USP47: variants seen among roughly 807,000 people sequenced by gnomAD.
USP47 encodes the protein ubiquitin carboxyl-terminal hydrolase 47.
A neutral mutation model predicts 165.1 loss-of-function variants in USP47; 35 were observed. The observed-to-expected ratio is 0.21, with a 90% CI of 0.16 to 0.28. USP47 has a LOEUF of 0.28. Ranked by LOEUF, USP47 falls within the 10% of genes least tolerant of loss-of-function variation. The pLI is 1.00. For synonymous variants in USP47, 531 were observed against 544.5 expected (o/e 0.98, Z 0.35); for missense variants, 1,277 against 1,607.4 (o/e 0.79, Z 3.52).
intron 3 of USP47, among the ~76,000 whole-genome samples, chr11:11,889,749 A>T (rs1264372254): frequency 6.6e-6 from 1 of 152,146 alleles, no homozygotes; most frequent in African/African-American, 2.4e-5. Context: ...AATAGCCAAG[A>T]CAATCCTAAA....
chr11:11,923,043 T>TATATAA (rs1853963379), intron 11 of USP47, 152 bp downstream of exon 11: 1 of 12,800 alleles, frequency 7.8e-5, no homozygotes, highest in Non-Finnish European at 1.3e-4. Context: ...TTTTTGTACA[T>TATATAA]ATATATATAT....
At chr11:11,948,226 T>A (rs1855976832) in intron 21 of USP47, 106 bp downstream of exon 21, 4 of 1,296,224 alleles carry the variant, frequency 3.1e-6, no homozygotes, top group Non-Finnish European at 4.2e-6. Context: ...CTGGAAGGAT[T>A]TTTTTTTAAT....
At chr11:11,854,203 G>A (rs562299553) in intron 1 of USP47, among the ~76,000 whole-genome samples, 1 of 144,754 alleles carries the variant, frequency 6.9e-6, no homozygotes, top group African/African-American at 2.5e-5. Context: ...CTTTCAACCT[G>A]ATTGCATATT....
chr11:11,868,518 A>G (rs929552692), intron 1 of USP47, among the ~76,000 whole-genome samples: 4 of 152,200 alleles, frequency 2.6e-5, no homozygotes, highest in African/African-American at 4.8e-5. Flanking sequence ...TGGATGTACT[A>G]TAATTTGTTT....
intron 1 of USP47, among the ~76,000 whole-genome samples, chr11:11,860,803 G>A (rs1417187459): frequency 1.3e-5 from 2 of 152,182 alleles, no homozygotes; most frequent in African/African-American, 4.8e-5. Flanking sequence ...GATACCTACA[G>A]TATATTATCA....
intron 1 of USP47, among the ~76,000 whole-genome samples, chr11:11,843,867 G>T (rs1848283489): frequency 6.6e-6 from 1 of 152,162 alleles, no homozygotes; most frequent in Non-Finnish European, 1.5e-5. Flanking sequence ...TCCCTTCCCT[G>T]AGGCTTTAAA....
chr11:11,917,345 G>A (rs1323310852), intron 8 of USP47, among the ~76,000 whole-genome samples: 2 of 152,136 alleles, frequency 1.3e-5, no homozygotes, highest in Non-Finnish European at 2.9e-5. Context: ...ATATCCATGA[G>A]CCATTGAGGA....
chr11:11,920,391 G>T lies in USP47; in HGVS notation c.1115G>T (p.Arg372Ile). Residue 372 changes from arginine to isoleucine, a missense_variant, in exon 10 of 28, where the codon AGA becomes ATA. Arg to Ile is a moderately conservative substitution (Grantham distance 97). Coordinates refer to ENST00000527733, the MANE Select transcript of USP47 (RefSeq NM_001282659.2). ...TATCTGCTGACCTTACAGCTGAAAA[G>T]ATTCGATTTTGATTATACAACCATG... ...FPYLLTLQLKRFDFDYTTMHR... is the reference protein window; with the variant it reads ...FPYLLTLQLKIFDFDYTTMHR... The T allele has an allele frequency of 6.2e-7, 1 of 1,611,248 alleles. No homozygotes were observed. Among genetic ancestry groups the T allele is most frequent in the Non-Finnish European group, 8.5e-7 (1 of 1,178,400 alleles).
intron 4 of USP47, among the ~76,000 whole-genome samples, chr11:11,892,732 CTTGAGCCCAGGAGGTCTAGG>C (rs978039577): frequency 2.0e-5 from 3 of 147,532 alleles, no homozygotes; most frequent in Non-Finnish European, 4.4e-5. Flanking sequence ...GGGAGGATTG[CTTGAGCCCAGGAGGTCTAGG>C]TTGCAGTGAG....
intron 4 of USP47, among the ~76,000 whole-genome samples, chr11:11,894,920 T>C (rs1851756551): frequency 6.6e-6 from 1 of 152,188 alleles, no homozygotes; most frequent in African/African-American, 2.4e-5. Flanking sequence ...TTCCTCTATA[T>C]GTGTACTTTT....
chr11:11,930,618 T>C (rs964232410), intron 13 of USP47, 78 bp from the exon 14 acceptor site: 6 of 1,092,700 alleles, frequency 5.5e-6, no homozygotes, highest in Non-Finnish European at 8.1e-6. Context: ...AAATCACAAT[T>C]TAAATATTTC....
At chr11:11,884,628 C>G (rs534063291) in intron 3 of USP47, 48 bp downstream of exon 3, 1 of 1,273,798 alleles carries the variant, frequency 7.9e-7, no homozygotes, top group South Asian at 1.4e-5. Flanking sequence ...TGCACTGTCA[C>G]CTACTACTTG....
At chr11:11,847,667 C>G (rs889977907) in intron 1 of USP47, among the ~76,000 whole-genome samples, 1 of 152,120 alleles carries the variant, frequency 6.6e-6, no homozygotes, top group African/African-American at 2.4e-5. Context: ...GTATCCTTAT[C>G]TTTCTCTCCA....
intron 1 of USP47, among the ~76,000 whole-genome samples, chr11:11,854,718 A>G (rs533928152): frequency 2.0e-5 from 3 of 147,810 alleles, no homozygotes; most frequent in African/African-American, 7.3e-5. Context: ...CTTAATGTCT[A>G]CAGCACTAAT....
At chr11:11,900,600 C>G (rs757530860) in intron 5 of USP47, among the ~76,000 whole-genome samples, 7 of 151,998 alleles carry the variant, frequency 4.6e-5, no homozygotes, top group Non-Finnish European at 8.8e-5. Flanking sequence ...ATAGAGAACC[C>G]CGGAGGAATC....
intron 1 of USP47, among the ~76,000 whole-genome samples, chr11:11,861,238 G>A (rs952524684): frequency 6.6e-6 from 1 of 152,120 alleles, no homozygotes; most frequent in Non-Finnish European, 1.5e-5. Context: ...GGAATTACAG[G>A]CATGTGCCAC....
intron 1 of USP47, among the ~76,000 whole-genome samples, chr11:11,858,297 T>C (rs933327021): frequency 6.6e-6 from 1 of 152,150 alleles, no homozygotes; most frequent in African/African-American, 2.4e-5. Flanking sequence ...AGAAAAACTA[T>C]AAAGGCCACA....
chr11:11,875,655 G>A (rs549074653), intron 1 of USP47, among the ~76,000 whole-genome samples: 1 of 152,180 alleles, frequency 6.6e-6, no homozygotes, highest in Admixed American at 6.5e-5. Context: ...CCAGGCTGGA[G>A]TGCAGTGGCA....
At chr11:11,905,031 T>A (rs375443854) in intron 7 of USP47, among the ~76,000 whole-genome samples, 44 of 152,128 alleles carry the variant, frequency 2.9e-4, no homozygotes, top group African/African-American at 1.1e-3. Context: ...TAGGATTTAC[T>A]CTCATCTTAA....
Sources: gnomAD v4.1 joint callset for allele counts (sites outside exome capture counted in the v4.1 genomes callset) on GRCh38, gnomAD v4.1.1 for gene constraint, MANE v1.5 for transcripts, NCBI Gene and HGNC (gene_info 2026-07-23, HGNC 2026-07-21) for gene names.